The following NSUN3 variants were observed in gnomAD, a reference collection of about 807,000 sequenced individuals.
NSUN3 encodes the protein NOP2/Sun RNA methyltransferase 3.
NSUN3 carries 24 observed loss-of-function variants against 36.8 expected under a neutral mutation model. That is an observed-to-expected ratio of 0.65 (90% CI 0.47 to 0.92). The LOEUF (loss-of-function observed/expected upper bound fraction) is 0.92. Ranked by LOEUF, NSUN3 falls within the 40% of genes least tolerant of loss-of-function variation. The probability of loss-of-function intolerance (pLI) is 0.00; values close to 1 mark genes in which losing one functional copy is unlikely to be tolerated. For missense variants in NSUN3, 381 were observed against 392.8 expected, an observed-to-expected ratio of 0.97 and a Z score of 0.25; for synonymous variants, 146 against 145.2, an observed-to-expected ratio of 1.01 and a Z score of -0.04.
chr3:94,079,046 G>A (rs1033820771), intron 2 of NSUN3, among the ~76,000 whole-genome samples: 3 of 152,204 alleles, frequency 2.0e-5, no homozygotes, highest in African/African-American at 7.2e-5. Context: ...AATTTGGTAT[G>A]TTTTTGCAGT....
intron 5 of NSUN3, among the ~76,000 whole-genome samples, chr3:94,117,035 A>G (rs1256156669): frequency 8.8e-6 from 1 of 113,676 alleles, no homozygotes; most frequent in Non-Finnish European, 1.6e-5. Flanking sequence ...ATCTCGCTCT[A>G]TCATCTATGC....
At chr3:94,109,422 GATTT>G (rs2077406847) in intron 5 of NSUN3, among the ~76,000 whole-genome samples, 1 of 152,164 alleles carries the variant, frequency 6.6e-6, no homozygotes, top group African/African-American at 2.4e-5. Flanking sequence ...TGATATAAGA[GATTT>G]ATTATTGGAA....
At chr3:94,118,826 G>A (rs757278997) in intron 5 of NSUN3, among the ~76,000 whole-genome samples, 3 of 151,310 alleles carry the variant, frequency 2.0e-5, no homozygotes, top group Non-Finnish European at 4.4e-5. Context: ...CCACAGCTTT[G>A]CCAAAGTTTA....
chr3:94,088,711 C>T (rs1022312583), intron 3 of NSUN3, among the ~76,000 whole-genome samples: 5 of 148,202 alleles, frequency 3.4e-5, no homozygotes, highest in South Asian at 2.1e-4. Context: ...CTCTCTCTGT[C>T]GCCTAGGCTG....
Position 94,126,818 on chromosome 3 carries a change from AT to A in NSUN3, c.*329del, listed in dbSNP as rs1286721728. The A allele has an allele frequency of 5.2e-6, 1 of 191,710 alleles. No individual in the cohort carries two copies. Among genetic ancestry groups the A allele is most frequent in the African/African-American group, 2.4e-5 (1 of 42,482 alleles). 11.9% of individuals were successfully genotyped at this position (191,710 alleles called of 1,614,324 possible). ...TGTTTAGTTCTGTATTCTTTCTATG[AT>A]AGTGCTTTGAACCTTCAAAAATTCA... On this transcript the variant is annotated 3_prime_UTR_variant, in exon 6 of 6. Coordinates refer to ENST00000314622, the MANE Select transcript of NSUN3 (RefSeq NM_022072.5).
At chr3:94,077,855 G>A (rs550933681) in intron 2 of NSUN3, among the ~76,000 whole-genome samples, 3 of 152,086 alleles carry the variant, frequency 2.0e-5, no homozygotes, top group Non-Finnish European at 4.4e-5. Context: ...CTGGCTAGCA[G>A]TCTATCTATT....
chr3:94,063,217 C>T (rs1036161142), intron 1 of NSUN3, 79 bp downstream of exon 1: 4 of 1,404,924 alleles, frequency 2.8e-6, no homozygotes, highest in Non-Finnish European at 4.0e-6. Flanking sequence ...AGGGAGGGTG[C>T]TGGGATGGGG....
intron 2 of NSUN3, among the ~76,000 whole-genome samples, chr3:94,071,262 G>A (rs1383919118): frequency 6.6e-6 from 1 of 152,144 alleles, no homozygotes; most frequent in African/African-American, 2.4e-5. Flanking sequence ...AGAGATTTAA[G>A]ACCACAGGAA....
At chr3:94,081,325 G>A (rs1005068597) in intron 2 of NSUN3, among the ~76,000 whole-genome samples, 1 of 152,136 alleles carries the variant, frequency 6.6e-6, no homozygotes, top group African/African-American at 2.4e-5. Flanking sequence ...GATCTTGCTG[G>A]GAGCTGCAGA....
chr3:94,064,327 G>A (rs2077194197), intron 1 of NSUN3, 110 bp from the exon 2 acceptor site: 2 of 670,042 alleles, frequency 3.0e-6, no homozygotes, highest in Admixed American at 2.4e-5. Flanking sequence ...TCAAGAACTA[G>A]TAATTATCCA....
At chr3:94,083,944 G>A (rs959763076) in intron 2 of NSUN3, among the ~76,000 whole-genome samples, 163 bp from the exon 3 acceptor site, 1 of 152,088 alleles carries the variant, frequency 6.6e-6, no homozygotes, top group African/African-American at 2.4e-5. Flanking sequence ...CCTGTCAGAG[G>A]CTCATGAGGC....
At chr3:94,094,996 A>T (rs548941756) in intron 4 of NSUN3, 37 bp from the exon 5 acceptor site, 1 of 1,607,174 alleles carries the variant, frequency 6.2e-7, no homozygotes, top group Non-Finnish European at 8.5e-7. Context: ...ATAGATTGTC[A>T]GTGCATATTT....
Position 94,076,156 on chromosome 3 carries a change from AT to A in NSUN3, c.123-7949del, listed in dbSNP as rs897097445. 12 of 1,208,276 alleles carry A rather than the reference AT, an allele frequency of 9.9e-6. No individual in the cohort carries two copies. The African/African-American group carries it at 1.2e-4, about 12-fold the overall frequency. 74.8% of individuals were successfully genotyped at this position (1,208,276 alleles called of 1,614,324 possible). A position where few individuals can be genotyped will look rare whatever the true frequency, so the allele number is the denominator to read the frequency against. The stretch of plus-strand genomic sequence containing the variant: ...CTCCAATTTTACTTAAATCCTAGAC[AT>A]TCAGTCTGCGATCAGTACCACTGGA... On this transcript the variant is annotated intron_variant, in intron 2 of 5. Coordinates refer to ENST00000314622, the MANE Select transcript of NSUN3 (RefSeq NM_022072.5).
intron 2 of NSUN3, among the ~76,000 whole-genome samples, chr3:94,068,089 A>G (rs2077212223): frequency 6.6e-6 from 1 of 152,090 alleles, no homozygotes; most frequent in African/African-American, 2.4e-5. Flanking sequence ...TGCATCTTGT[A>G]GCATATGACC....
At chr3:94,095,233 A>G in intron 5 of NSUN3, 79 bp downstream of exon 5, 1 of 1,388,008 alleles carries the variant, frequency 7.2e-7, no homozygotes, top group Non-Finnish European at 1.0e-6. Context: ...TCAGGCCCCC[A>G]GTGGAGGGCT....
chr3:94,122,909 A>G (rs1352419127), intron 5 of NSUN3, among the ~76,000 whole-genome samples: 1 of 152,224 alleles, frequency 6.6e-6, no homozygotes, highest in African/African-American at 2.4e-5. Context: ...TTGAAGACCC[A>G]TAAGTGGTGT....
At chr3:94,117,130 C>CT (rs2077443518) in intron 5 of NSUN3, among the ~76,000 whole-genome samples, 1 of 151,178 alleles carries the variant, frequency 6.6e-6, no homozygotes, top group Non-Finnish European at 1.5e-5. Context: ...TCCCCAGTGG[C>CT]TGGGGTTATA....
intron 2 of NSUN3, among the ~76,000 whole-genome samples, chr3:94,080,952 G>A (rs569632730): frequency 2.0e-5 from 3 of 152,190 alleles, no homozygotes; most frequent in African/African-American, 7.2e-5. Context: ...CGCCACTGGG[G>A]TATGGAAAAG....
At chr3:94,101,234 C>T (rs2077364731) in intron 5 of NSUN3, among the ~76,000 whole-genome samples, 1 of 152,082 alleles carries the variant, frequency 6.6e-6, no homozygotes, top group Admixed American at 6.6e-5. Context: ...TCCAAGTGAT[C>T]CTGACTCTTT....
Sources: allele counts gnomAD v4.1 joint callset (sites outside exome capture counted in the v4.1 genomes callset), GRCh38; gene constraint gnomAD v4.1.1; transcripts MANE v1.5; gene names NCBI Gene and HGNC (gene_info 2026-07-23, HGNC 2026-07-21).